FGF13: variants seen among roughly 807,000 people sequenced by gnomAD.
FGF13 encodes fibroblast growth factor 13.
FGF13 carries 2 observed loss-of-function variants against 19.5 expected under a neutral mutation model. The ratio of observed to expected loss-of-function variants is 0.10; its 90% CI spans 0.04 to 0.32. The LOEUF is 0.32. Among genes scored for constraint, FGF13 ranks in the 10% least tolerant of loss-of-function variants. FGF13 has a pLI of 1.00. For missense variants in FGF13, 113 were observed against 192.7 expected (o/e 0.59, Z 2.45); for synonymous variants, 72 against 76.9 (o/e 0.94, Z 0.33).
chrX:138,980,143 TG>T (rs1170400669), intron 1 of FGF13, among the ~76,000 whole-genome samples: 5 of 112,140 alleles, frequency 4.5e-5, no homozygotes, highest in South Asian at 3.7e-4. Context: ...TTTTTCAAAA[TG>T]TTTTTTTTCC....
At chrX:139,150,868 T>C (rs2083928813) in intron 1 of FGF13, among the ~76,000 whole-genome samples, 1 of 111,636 alleles carries the variant, frequency 9.0e-6, no homozygotes, top group African/African-American at 3.3e-5. Context: ...AACCTCATGC[T>C]AGTAGCCTAG....
intron 3 of FGF13, among the ~76,000 whole-genome samples, chrX:138,642,821 T>TA (rs1310934110): frequency 2.7e-5 from 3 of 111,846 alleles, no homozygotes; most frequent in African/African-American, 9.8e-5. Context: ...GCCATAGCAC[T>TA]AAAGAAATGC....
chrX:138,843,549 C>T (rs990631685), intron 3 of FGF13, among the ~76,000 whole-genome samples: 4 of 111,640 alleles, frequency 3.6e-5, no homozygotes, highest in Non-Finnish European at 3.8e-5. Flanking sequence ...TTTGGGAATG[C>T]AGTATTTTCT....
chrX:138,930,492 C>T (rs748406027), intron 1 of FGF13, among the ~76,000 whole-genome samples: 15 of 111,722 alleles, frequency 1.3e-4, no homozygotes, highest in Non-Finnish European at 1.9e-4. Context: ...ACTCCAAATC[C>T]GGAGAAATCG....
At chrX:139,178,273 C>A (rs182448873) in intron 1 of FGF13, among the ~76,000 whole-genome samples, 17 of 112,453 alleles carry the variant, frequency 1.5e-4, no homozygotes, top group Non-Finnish European at 3.8e-5. Flanking sequence ...AGGTCCTTTA[C>A]ACTCTCCAGG....
chrX:138,630,673 G>A lies in FGF13; in HGVS notation c.*2177C>T, dbSNP rs755331868. On this transcript the variant is annotated 3_prime_UTR_variant, in exon 5 of 5. Coordinates refer to ENST00000315930, the MANE Select transcript of FGF13 (RefSeq NM_004114.5). ...GGAGTCTCCCCTCCTTGCAAAAGCAGGCTGTTTGGGGCCCCAGTAATTTTA... is the reference window on the plus strand; with the variant it reads ...GGAGTCTCCCCTCCTTGCAAAAGCAAGCTGTTTGGGGCCCCAGTAATTTTA... The A allele has an allele frequency of 2.5e-4, 28 of 111,330 alleles. No individual in the cohort carries two copies. Among genetic ancestry groups the A allele is most frequent in the Admixed American group, 1.9e-3 (20 of 10,429 alleles). The allele number at this position is 111,330 out of a possible 1,213,427, so 9.2% of individuals were successfully genotyped here.
At chrX:139,181,763 T>A (rs1229045476) in intron 1 of FGF13, among the ~76,000 whole-genome samples, 1 of 112,167 alleles carries the variant, frequency 8.9e-6, no homozygotes, top group Non-Finnish European at 1.9e-5. Context: ...AGAAACTGAC[T>A]GATATAATTC....
chrX:138,989,752 GA>G (rs5903990), intron 1 of FGF13, among the ~76,000 whole-genome samples: 171 of 102,360 alleles, frequency 1.7e-3, no homozygotes, highest in African/African-American at 4.0e-3. Context: ...ACTATTAACT[GA>G]AAAAAAAAAA....
intron 3 of FGF13, among the ~76,000 whole-genome samples, chrX:138,829,574 G>T (rs2091057405): frequency 9.0e-6 from 1 of 111,513 alleles, no homozygotes; most frequent in South Asian, 3.8e-4. Context: ...AAATTAACCA[G>T]CCTCAGGTAT....
chrX:138,633,692 C>T (rs2089148514), intron 4 of FGF13, among the ~76,000 whole-genome samples: 1 of 111,260 alleles, frequency 9.0e-6, no homozygotes. Context: ...ACATTAGATA[C>T]TACTCTAAGT....
At chrX:139,002,020 A>G (rs1272120781) in intron 1 of FGF13, among the ~76,000 whole-genome samples, 1 of 111,707 alleles carries the variant, frequency 9.0e-6, no homozygotes, top group East Asian at 2.8e-4. Flanking sequence ...TAAAAAAAGG[A>G]TGAGTTCATG....
At chrX:138,833,410 T>A (rs2091088816) in intron 3 of FGF13, among the ~76,000 whole-genome samples, 1 of 112,110 alleles carries the variant, frequency 8.9e-6, no homozygotes. Flanking sequence ...GATATTTTAT[T>A]CTTTTTGTGG....
intron 1 of FGF13, among the ~76,000 whole-genome samples, chrX:138,928,515 C>T (rs928490735): frequency 3.6e-5 from 4 of 110,341 alleles, no homozygotes; most frequent in Non-Finnish European, 7.6e-5. Context: ...AAGATGTTAT[C>T]GCGGTGCTCT....
chrX:138,825,918 A>C (rs746152701), intron 3 of FGF13, among the ~76,000 whole-genome samples: 1 of 111,290 alleles, frequency 9.0e-6, no homozygotes, highest in East Asian at 2.8e-4. Context: ...ATGGTTAATT[A>C]CATGGCTTCT....
At chrX:139,023,119 G>A (rs2124385049) in intron 1 of FGF13, among the ~76,000 whole-genome samples, 1 of 110,332 alleles carries the variant, frequency 9.1e-6, no homozygotes, top group African/African-American at 3.3e-5. Context: ...GTTTAAATCA[G>A]GACTCATCAA....
At chrX:138,976,715 A>T (rs1199222022) in intron 1 of FGF13, among the ~76,000 whole-genome samples, 15 of 75,857 alleles carry the variant, frequency 2.0e-4, no homozygotes, top group Non-Finnish European at 8.1e-5. Flanking sequence ...AAATTTTAAA[A>T]TATTTGTGCA....
intron 3 of FGF13, among the ~76,000 whole-genome samples, chrX:138,656,383 G>T (rs181517905): frequency 1.8e-5 from 2 of 111,858 alleles, no homozygotes; most frequent in East Asian, 5.6e-4. Flanking sequence ...TATTATCATA[G>T]GGAATACAAT....
intron 3 of FGF13, among the ~76,000 whole-genome samples, chrX:138,825,563 T>A (rs766212855): frequency 9.0e-6 from 1 of 111,209 alleles, no homozygotes; most frequent in East Asian, 2.8e-4. Flanking sequence ...ACTGCTATAG[T>A]TAAGAACTTG....
chrX:138,784,080 C>A (rs2090672114), intron 3 of FGF13, among the ~76,000 whole-genome samples: 2 of 97,617 alleles, frequency 2.0e-5, no homozygotes, highest in African/African-American at 3.7e-5. Flanking sequence ...AAACCAAACA[C>A]CGCATGTTCT....
Sources: gnomAD v4.1 joint callset for allele counts (sites outside exome capture counted in the v4.1 genomes callset) on GRCh38, gnomAD v4.1.1 for gene constraint, MANE v1.5 for transcripts, NCBI Gene and HGNC (gene_info 2026-07-23, HGNC 2026-07-21) for gene names.